Variants in FRMD5 observed in about 807,000 individuals in gnomAD.
FRMD5 encodes the protein FERM domain-containing protein 5.
A neutral mutation model predicts 69.0 loss-of-function variants in FRMD5; 20 were observed. That is an observed-to-expected ratio of 0.29 (90% confidence interval 0.20 to 0.42). The LOEUF (loss-of-function observed/expected upper bound fraction) is 0.42. Among genes scored for constraint, FRMD5 ranks in the 10% least tolerant of loss-of-function variants. The pLI, the probability that FRMD5 is intolerant of heterozygous loss-of-function variation, is 1.00. For synonymous variants in FRMD5, 271 were observed against 260.1 expected (o/e 1.04, Z -0.40); for missense variants, 595 against 708.6 (o/e 0.84, Z 1.82).
intron 1 of FRMD5, among the ~76,000 whole-genome samples, chr15:44,010,274 A>G (rs1169978038): frequency 1.3e-5 from 2 of 152,174 alleles, no homozygotes; most frequent in Admixed American, 6.5e-5. Context: ...AGAAAACCCA[A>G]GTGGTTATGG....
At chr15:43,875,363 A>AAAAAT (rs1366807150) in intron 13 of FRMD5, among the ~76,000 whole-genome samples, 17 of 105,316 alleles carry the variant, frequency 1.6e-4, no homozygotes, top group African/African-American at 5.3e-4. Context: ...AAAAAAAAAA[A>AAAAAT]ATATATATAT....
chr15:43,998,491 C>G (rs1263876393), intron 1 of FRMD5, among the ~76,000 whole-genome samples: 2 of 152,130 alleles, frequency 1.3e-5, no homozygotes, highest in Non-Finnish European at 2.9e-5. Context: ...TTCAAGCAAG[C>G]AGACTGATCA....
intron 1 of FRMD5, among the ~76,000 whole-genome samples, chr15:44,050,418 G>C (rs1892607582): frequency 6.6e-6 from 1 of 150,770 alleles, no homozygotes; most frequent in South Asian, 2.1e-4. Context: ...GGAGTGCAGT[G>C]GTGTGACCAT....
chr15:44,013,063 G>A lies in FRMD5; in HGVS notation c.103-88754C>T, dbSNP rs147260948. Among the ~76,000 whole-genome samples, 316 of 152,204 alleles carry A rather than the reference G, an allele frequency of 2.1e-3. 1 individual carries two copies. The highest frequency in any genetic ancestry group is 7.1e-3 in the African/African-American group (296 of 41,546). On this transcript the variant is annotated intron_variant, in intron 1 of 13. Transcript: ENST00000417257. ...TTACAGGTGTGAGCCATTGCGCCCC[G>A]CCTATTGTATCTTAAAAAGTAGATT...
chr15:43,892,007 T>A lies in FRMD5; in HGVS notation c.702A>T (p.Gly234=), dbSNP rs1031264281. ...FTPFGFVVLQ[G]NKRVHFIKWN... ...ATTTAATGAAGTGGACCCTCTTGTTTCCTTGAAGAACAACAAACCCAAAAG... is the reference window on the plus strand; with the variant it reads ...ATTTAATGAAGTGGACCCTCTTGTTACCTTGAAGAACAACAAACCCAAAAG... The change falls in exon 8 of 14, where the codon GGA becomes GGT. Residue 234 remains glycine, a synonymous_variant. Transcript: ENST00000417257. 8.1e-6 allele frequency: 13 copies of A among 1,614,016 alleles called. No individual in the cohort carries two copies. The Admixed American group carries it at 1.3e-4, about 17-fold the overall frequency.
chr15:43,885,907 C>T, intron 10 of FRMD5, 152 bp from the exon 11 acceptor site: 1 of 663,980 alleles, frequency 1.5e-6, no homozygotes, highest in Non-Finnish European at 2.7e-6. Flanking sequence ...CATTTAGGAT[C>T]TGGGGGCTGT....
intron 1 of FRMD5, among the ~76,000 whole-genome samples, chr15:44,002,881 T>C (rs1890274610): frequency 6.6e-6 from 1 of 152,024 alleles, no homozygotes. Flanking sequence ...TTAATTCTAG[T>C]CTCCCCCCTT....
At chr15:44,010,983 C>A (rs984237467) in intron 1 of FRMD5, among the ~76,000 whole-genome samples, 1 of 151,886 alleles carries the variant, frequency 6.6e-6, no homozygotes, top group African/African-American at 2.4e-5. Context: ...ATCTCTAATA[C>A]TAGAGATAAA....
intron 1 of FRMD5, among the ~76,000 whole-genome samples, chr15:44,144,124 A>G (rs2140453458): frequency 6.6e-6 from 1 of 152,282 alleles, no homozygotes; most frequent in African/African-American, 2.4e-5. Flanking sequence ...TATCTGCTCC[A>G]TCTGCCAGTG....
At chr15:43,885,147 T>G in intron 11 of FRMD5, 1 of 228,162 alleles carries the variant, frequency 4.4e-6, no homozygotes, top group Non-Finnish European at 8.7e-6. Context: ...TATTTTGCTA[T>G]TGTAAGGGAA....
chr15:43,951,250 C>T (rs1042851344), intron 1 of FRMD5, among the ~76,000 whole-genome samples: 3 of 151,856 alleles, frequency 2.0e-5, no homozygotes, highest in Non-Finnish European at 2.9e-5. Flanking sequence ...GAAACCCTGT[C>T]TGTACTGAAA....
At chr15:44,111,175 C>CTA (rs913142896) in intron 1 of FRMD5, among the ~76,000 whole-genome samples, 1 of 152,108 alleles carries the variant, frequency 6.6e-6, no homozygotes, top group African/African-American at 2.4e-5. Context: ...GTGTGTGCTT[C>CTA]TATATATATG....
At chr15:43,995,230 T>C (rs543449708) in intron 1 of FRMD5, among the ~76,000 whole-genome samples, 16 of 152,320 alleles carry the variant, frequency 1.1e-4, no homozygotes, top group Non-Finnish European at 2.1e-4. Context: ...GCTATGTAAA[T>C]AGCTGTTATG....
chr15:43,875,435 A>G (rs2088315606), intron 13 of FRMD5, among the ~76,000 whole-genome samples: 1 of 147,052 alleles, frequency 6.8e-6, no homozygotes, highest in African/African-American at 2.5e-5. Flanking sequence ...CACAGTGGCC[A>G]TTTTAGAAGA....
intron 1 of FRMD5, among the ~76,000 whole-genome samples, chr15:44,086,123 C>T (rs1894187560): frequency 6.6e-6 from 1 of 152,068 alleles, no homozygotes; most frequent in Admixed American, 6.6e-5. Context: ...ATGTGTTATA[C>T]AATATCTATA....
At chr15:44,101,081 G>A (rs776059979) in intron 1 of FRMD5, among the ~76,000 whole-genome samples, 46 of 151,754 alleles carry the variant, frequency 3.0e-4, no homozygotes, top group African/African-American at 1.0e-3. Context: ...CTCAGGAGGC[G>A]GAGGTTGCAG....
At chr15:44,009,620 G>A (rs562194605) in intron 1 of FRMD5, among the ~76,000 whole-genome samples, 1 of 152,230 alleles carries the variant, frequency 6.6e-6, no homozygotes, top group East Asian at 1.9e-4. Context: ...TCGAGGCTGC[G>A]GTGAGCCGTG....
At chr15:43,919,639 A>G (rs1051544574) in intron 3 of FRMD5, 102 bp from the exon 4 acceptor site, 1 of 1,429,320 alleles carries the variant, frequency 7.0e-7, no homozygotes, top group African/African-American at 1.4e-5. Context: ...ACCCTCATAT[A>G]TTTAGGGCCA....
At chr15:44,077,757 G>C (rs1052051305) in intron 1 of FRMD5, among the ~76,000 whole-genome samples, 2 of 151,780 alleles carry the variant, frequency 1.3e-5, no homozygotes, top group Non-Finnish European at 2.9e-5. Flanking sequence ...TATTGAACAA[G>C]AAAAAACAGA....
Sources: gnomAD v4.1 joint callset for allele counts (sites outside exome capture counted in the v4.1 genomes callset) on GRCh38, gnomAD v4.1.1 for gene constraint, MANE v1.5 for transcripts, NCBI Gene and HGNC (gene_info 2026-07-23, HGNC 2026-07-21) for gene names.